PIAS2: variants seen among roughly 807,000 people sequenced by gnomAD.
PIAS2 encodes E3 SUMO-protein ligase PIAS2.
In PIAS2, 19 loss-of-function variants were observed where a neutral mutation model predicts 69.7. That is an observed-to-expected ratio of 0.27 (90% CI 0.19 to 0.40). The LOEUF (loss-of-function observed/expected upper bound fraction) is 0.40. Ranked by LOEUF, PIAS2 falls within the 10% of genes least tolerant of loss-of-function variation. PIAS2 has a pLI of 1.00. For synonymous variants in PIAS2, 261 were observed against 263.2 expected, an observed-to-expected ratio of 0.99 and a Z score of 0.08; for missense variants, 624 against 757.0, an observed-to-expected ratio of 0.82 and a Z score of 2.06.
At chr18:46,900,906 G>A (rs556856988) in intron 1 of PIAS2, 11 of 264,100 alleles carry the variant, frequency 4.2e-5, no homozygotes, top group East Asian at 1.4e-4. Flanking sequence ...CCCTAGAGGC[G>A]GAGGTTGCGG....
intron 1 of PIAS2, 192 bp from the exon 2 acceptor site, chr18:46,891,246 G>C: frequency 1.5e-6 from 1 of 683,758 alleles, no homozygotes. Flanking sequence ...TCAAGTTACG[G>C]TGTTAATTAT....
intron 2 of PIAS2, among the ~76,000 whole-genome samples, chr18:46,887,784 A>G (rs2053447414): frequency 6.6e-6 from 1 of 152,224 alleles, no homozygotes; most frequent in Non-Finnish European, 1.5e-5. Flanking sequence ...AGGATCAATA[A>G]ATAAGATTTG....
At chr18:46,880,960 C>G (rs1262265252) in intron 2 of PIAS2, among the ~76,000 whole-genome samples, 1 of 152,144 alleles carries the variant, frequency 6.6e-6, no homozygotes, top group Non-Finnish European at 1.5e-5. Flanking sequence ...CTAATTTAAT[C>G]AGATTTAAAT....
At position 46,890,817 on chromosome 18, in the gene PIAS2, C is replaced by T; in HGVS notation, c.262G>A (p.Gly88Ser). ...IKSSVFSLDGGSSPVEPDLAV... is the reference protein window; with the variant it reads ...IKSSVFSLDGSSSPVEPDLAV... The stretch of plus-strand genomic sequence containing the variant: ...AAGTCAGGTTCTACAGGTGATGAGC[C>T]ACCATCCAAACTGAAAACCGATGAT... The change falls in exon 2 of 14, where the codon GGC becomes AGC. Residue 88 changes from glycine (G) to serine (S), a missense_variant. Coordinates refer to ENST00000585916, the MANE Select transcript of PIAS2 (RefSeq NM_004671.5). 1 of 1,614,184 alleles carries T rather than the reference C, an allele frequency of 6.2e-7. No homozygotes were observed.
chr18:46,864,961 T>C (rs1469803803), intron 2 of PIAS2, among the ~76,000 whole-genome samples: 5 of 152,160 alleles, frequency 3.3e-5, no homozygotes, highest in Admixed American at 2.0e-4. Flanking sequence ...TGTATTTAAT[T>C]ACACAAAACA....
chr18:46,828,791 TC>T (rs879402602), intron 10 of PIAS2, among the ~76,000 whole-genome samples: 15 of 152,228 alleles, frequency 9.9e-5, no homozygotes, highest in Admixed American at 9.8e-4. Flanking sequence ...ATTTGTTAAC[TC>T]ACATTTTCAC....
intron 2 of PIAS2, among the ~76,000 whole-genome samples, chr18:46,880,706 G>A (rs2052093164): frequency 6.6e-6 from 1 of 152,130 alleles, no homozygotes; most frequent in Non-Finnish European, 1.5e-5. Flanking sequence ...CACACAAAAA[G>A]AACATTCTCA....
intron 1 of PIAS2, among the ~76,000 whole-genome samples, chr18:46,900,570 A>C (rs1216408262): frequency 6.6e-6 from 1 of 151,942 alleles, no homozygotes; most frequent in East Asian, 1.9e-4. Context: ...TTGATTACTT[A>C]GGAGGCTGAG....
At chr18:46,909,178 T>C (rs1309420776) in intron 1 of PIAS2, among the ~76,000 whole-genome samples, 2 of 152,106 alleles carry the variant, frequency 1.3e-5, no homozygotes, top group Admixed American at 6.5e-5. Context: ...AAGGGAAGAA[T>C]GGCTAATCAG....
intron 1 of PIAS2, chr18:46,915,476 T>C (rs1485955330): frequency 6.6e-6 from 1 of 152,116 alleles, no homozygotes; most frequent in Non-Finnish European, 1.5e-5. Context: ...TCTCCCCAGT[T>C]AGTCTCTGTT....
At chr18:46,871,661 T>A (rs967776714) in intron 2 of PIAS2, among the ~76,000 whole-genome samples, 1 of 152,166 alleles carries the variant, frequency 6.6e-6, no homozygotes, top group Non-Finnish European at 1.5e-5. Context: ...GAGCAGCTCG[T>A]TCCTGTTTGT....
intron 2 of PIAS2, among the ~76,000 whole-genome samples, chr18:46,868,452 T>A (rs1325231895): frequency 1.1e-4 from 16 of 152,164 alleles, no homozygotes; most frequent in Non-Finnish European, 1.9e-4. Context: ...TGCCGCACCC[T>A]GACATGCCCA....
intron 8 of PIAS2, among the ~76,000 whole-genome samples, chr18:46,842,221 G>A (rs974387298): frequency 5.9e-5 from 8 of 134,932 alleles, no homozygotes; most frequent in Non-Finnish European, 1.1e-4. Flanking sequence ...GAGAGACCCT[G>A]TCTCAAAAAA....
chr18:46,817,103 T>A, intron 12 of PIAS2: 1 of 945,192 alleles, frequency 1.1e-6, no homozygotes, highest in South Asian at 4.9e-5. Flanking sequence ...TACAGTAACT[T>A]CTTATCTTTT....
chr18:46,838,249 T>A (rs1032838232), intron 8 of PIAS2, among the ~76,000 whole-genome samples: 1 of 152,216 alleles, frequency 6.6e-6, no homozygotes, highest in African/African-American at 2.4e-5. Context: ...CAAGGTACAG[T>A]GTTGACTACT....
chr18:46,804,903 A>T lies in PIAS2; in HGVS notation c.*7530T>A, dbSNP rs2040616963. 6.6e-6 allele frequency: 1 copy of T among 152,270 alleles called. No individual in the cohort carries two copies. Among genetic ancestry groups the T allele is most frequent in the Non-Finnish European group, 1.5e-5 (1 of 68,090 alleles). The allele number at this position is 152,270 out of a possible 1,614,324, so 9.4% of individuals were successfully genotyped here. A position where few individuals can be genotyped will look rare whatever the true frequency, so the allele number is the denominator to read the frequency against. ...TGTAAGCCAAGAAAAGCAGCAGTAG[A>T]GAGGTGAGAGACATGGAGATAAGAG... On this transcript the variant is annotated 3_prime_UTR_variant, in exon 14 of 14. Transcript: ENST00000585916.
At chr18:46,909,076 C>T (rs1167812593) in intron 1 of PIAS2, among the ~76,000 whole-genome samples, 1 of 151,974 alleles carries the variant, frequency 6.6e-6, no homozygotes, top group Non-Finnish European at 1.5e-5. Context: ...CCACATGCAT[C>T]CAACTGTGAA....
intron 2 of PIAS2, among the ~76,000 whole-genome samples, chr18:46,877,264 A>G (rs752418240): frequency 2.0e-5 from 3 of 152,240 alleles, no homozygotes; most frequent in Admixed American, 6.5e-5. Context: ...AAACGTTTGA[A>G]GAGGAAGAAT....
rs2040795892 is a variant in PIAS2, at chr18:46,808,014, AT to A, written c.*4418del. 6.6e-6 allele frequency: 1 copy of A among 152,236 alleles called. No homozygotes were observed. The highest frequency in any genetic ancestry group is 1.5e-5 in the Non-Finnish European group (1 of 68,042). The allele number at this position is 152,236 out of a possible 1,614,324, so 9.4% of individuals were successfully genotyped here. A position where few individuals can be genotyped will look rare whatever the true frequency, so the allele number is the denominator to read the frequency against. On this transcript the variant is annotated 3_prime_UTR_variant, in exon 14 of 14. Transcript: ENST00000585916. ...AAATAATTTATACACAAAGACATTC[AT>A]TGTGGCATTATGAGATATAATCTAA... is the stretch of plus-strand genomic sequence containing the variant.
Sources: allele counts gnomAD v4.1 joint callset (sites outside exome capture counted in the v4.1 genomes callset), GRCh38; gene constraint gnomAD v4.1.1; transcripts MANE v1.5; gene names NCBI Gene and HGNC (gene_info 2026-07-23, HGNC 2026-07-21).